The following FSTL4 variants were observed in gnomAD, a reference collection of about 807,000 sequenced individuals.
FSTL4 encodes follistatin like 4.
FSTL4 carries 28 observed loss-of-function variants against 78.2 expected under a neutral mutation model. That is an observed-to-expected ratio of 0.36 (90% CI 0.27 to 0.49). The LOEUF (loss-of-function observed/expected upper bound fraction) is 0.49, where lower values mean the gene tolerates loss of function less well. Among genes scored for constraint, FSTL4 ranks in the 20% least tolerant of loss-of-function variants. The probability of loss-of-function intolerance (pLI) is 0.98; values close to 1 mark genes in which losing one functional copy is unlikely to be tolerated. For synonymous variants in FSTL4, 422 were observed against 440.5 expected (o/e 0.96, Z 0.53); for missense variants, 922 against 1,084.9 (o/e 0.85, Z 2.11).
intron 12 of FSTL4, among the ~76,000 whole-genome samples, chr5:133,218,274 A>C (rs1459780571): frequency 6.6e-6 from 1 of 152,090 alleles, no homozygotes; most frequent in African/African-American, 2.4e-5. Flanking sequence ...ATTTACCTTC[A>C]CAATATATCC....
At chr5:133,674,538 G>C in the FSTL4 span, among the ~76,000 whole-genome samples, 1 of 152,082 alleles carries the variant, frequency 6.6e-6, no homozygotes, top group African/African-American at 2.4e-5. Flanking sequence ...AAGAAACCTT[G>C]AGAAATCCCG....
intron 3 of FSTL4, among the ~76,000 whole-genome samples, chr5:133,533,981 G>A (rs1318434636): frequency 6.6e-6 from 1 of 151,800 alleles, no homozygotes; most frequent in African/African-American, 2.4e-5. Flanking sequence ...CTGTACATTG[G>A]GCCTAACATT....
At chr5:133,259,613 C>A (rs1461061988) in intron 6 of FSTL4, among the ~76,000 whole-genome samples, 1 of 146,222 alleles carries the variant, frequency 6.8e-6, no homozygotes, top group Non-Finnish European at 1.5e-5. Flanking sequence ...GATTTTAAGT[C>A]AATCAGGGAT....
chr5:133,519,899 C>A (rs73788119), intron 3 of FSTL4, among the ~76,000 whole-genome samples: 1 of 152,136 alleles, frequency 6.6e-6, no homozygotes, highest in Non-Finnish European at 1.5e-5. Flanking sequence ...CCTAGCAAGG[C>A]GAGCTACAGA....
chr5:133,563,341 G>T (rs1297463547), intron 3 of FSTL4, among the ~76,000 whole-genome samples: 1 of 152,172 alleles, frequency 6.6e-6, no homozygotes, highest in East Asian at 1.9e-4. Flanking sequence ...AACACCCTTG[G>T]ATGTGATGAA....
chr5:133,443,264 G>A (rs1257377023), intron 3 of FSTL4, among the ~76,000 whole-genome samples: 2 of 152,252 alleles, frequency 1.3e-5, no homozygotes, highest in African/African-American at 4.8e-5. Context: ...CCAGGTGCAA[G>A]AAAGTGATAA....
intron 2 of FSTL4, among the ~76,000 whole-genome samples, chr5:133,603,480 T>C (rs766408267): frequency 1.3e-5 from 2 of 152,260 alleles, no homozygotes; most frequent in South Asian, 4.1e-4. Flanking sequence ...TTTTCAAATA[T>C]ATTTTATAAT....
chr5:133,451,206 G>A (rs1195167813), intron 3 of FSTL4, among the ~76,000 whole-genome samples: 1 of 152,166 alleles, frequency 6.6e-6, no homozygotes, highest in Non-Finnish European at 1.5e-5. Flanking sequence ...ATTGGCTGAG[G>A]GTCACTGTTT....
chr5:133,462,755 A>G (rs1757619070), intron 3 of FSTL4, among the ~76,000 whole-genome samples: 1 of 152,222 alleles, frequency 6.6e-6, no homozygotes, highest in African/African-American at 2.4e-5. Context: ...ATAGAGTGGA[A>G]GGAAGCCGGC....
the FSTL4 span, among the ~76,000 whole-genome samples, chr5:133,681,872 C>T: frequency 6.6e-6 from 1 of 152,126 alleles, no homozygotes; most frequent in Non-Finnish European, 1.5e-5. Context: ...TTGGCCCCAG[C>T]CTACCCTAAA....
intron 3 of FSTL4, among the ~76,000 whole-genome samples, chr5:133,504,368 A>G (rs1213381354): frequency 2.0e-5 from 3 of 152,160 alleles, no homozygotes; most frequent in African/African-American, 7.2e-5. Flanking sequence ...AAATAGGTAG[A>G]ATCCATCTAT....
At chr5:133,436,311 A>G (rs914297855) in intron 3 of FSTL4, among the ~76,000 whole-genome samples, 6 of 152,312 alleles carry the variant, frequency 3.9e-5, no homozygotes, top group African/African-American at 1.4e-4. Flanking sequence ...CTCAGCTCCA[A>G]AAGATGTGTT....
At chr5:133,470,573 C>T (rs1303070903) in intron 3 of FSTL4, among the ~76,000 whole-genome samples, 2 of 151,852 alleles carry the variant, frequency 1.3e-5, no homozygotes, top group African/African-American at 4.8e-5. Flanking sequence ...GGTGAAACCC[C>T]GTCTCTACTA....
intron 3 of FSTL4, among the ~76,000 whole-genome samples, chr5:133,423,155 G>T (rs67566211): frequency 0.2 from 29,690 of 152,210 alleles, 3,051 homozygotes; most frequent in Non-Finnish European, 0.23. Flanking sequence ...GAGCTGGCCC[G>T]CTGGCTTTGT....
At chr5:133,287,804 C>T (rs567122771) in intron 6 of FSTL4, among the ~76,000 whole-genome samples, 10 of 152,324 alleles carry the variant, frequency 6.6e-5, no homozygotes, top group Admixed American at 2.0e-4. Context: ...GTTCTTCCTG[C>T]CCTTTACTCC....
intron 15 of FSTL4, among the ~76,000 whole-genome samples, chr5:133,200,450 G>T (rs193031643): frequency 9.8e-5 from 15 of 152,378 alleles, no homozygotes; most frequent in Admixed American, 9.1e-4. Context: ...GCCTGGTGCC[G>T]GCACACTGCC....
intron 3 of FSTL4, among the ~76,000 whole-genome samples, chr5:133,487,094 T>G (rs1251784125): frequency 6.6e-6 from 1 of 152,094 alleles, no homozygotes; most frequent in Non-Finnish European, 1.5e-5. Flanking sequence ...GATTCTGGAA[T>G]CCCATACACC....
chr5:133,750,450 C>T, the FSTL4 span, among the ~76,000 whole-genome samples: 1 of 152,188 alleles, frequency 6.6e-6, no homozygotes, highest in Non-Finnish European at 1.5e-5. Flanking sequence ...CAGCTTCCCT[C>T]CCTCCCATCA....
Position 133,327,333 on chromosome 5 carries a change from G to A in FSTL4, c.410-10681C>T, listed in dbSNP as rs1318509448. Among the ~76,000 whole-genome samples the A allele has an allele frequency of 9.2e-5, 14 of 152,186 alleles. 1 individual carries two copies. Among genetic ancestry groups the A allele is most frequent in the Admixed American group, 9.2e-4 (14 of 15,288 alleles). Reference sequence around the variant, plus strand: ...GGGTAGCAAGTATGGGGTGAGGCCCGGAAAGCTGCATTTTAAGAGTCTGCT... The same window carrying A: ...GGGTAGCAAGTATGGGGTGAGGCCCAGAAAGCTGCATTTTAAGAGTCTGCT... On this transcript the variant is annotated intron_variant, in intron 4 of 15. Transcript: ENST00000265342.
Sources: gnomAD v4.1 joint callset for allele counts (sites outside exome capture counted in the v4.1 genomes callset) on GRCh38, gnomAD v4.1.1 for gene constraint, MANE v1.5 for transcripts, NCBI Gene and HGNC (gene_info 2026-07-23, HGNC 2026-07-21) for gene names.